Variants in ALDH1A3 observed in about 807,000 individuals in gnomAD.
The protein encoded by ALDH1A3 is retinaldehyde dehydrogenase 3.
ALDH1A3 carries 28 observed loss-of-function variants against 57.5 expected under a neutral mutation model. The ratio of observed to expected loss-of-function variants is 0.49; its 90% CI spans 0.36 to 0.67. The LOEUF (loss-of-function observed/expected upper bound fraction) is 0.67. Among genes scored for constraint, ALDH1A3 ranks in the 30% least tolerant of loss-of-function variants. The pLI, the probability that ALDH1A3 is intolerant of heterozygous loss-of-function variation, is 0.00. For missense variants in ALDH1A3, 507 were observed against 669.4 expected, an observed-to-expected ratio of 0.76 and a Z score of 2.68; for synonymous variants, 281 against 264.8, an observed-to-expected ratio of 1.06 and a Z score of -0.59.
Position 100,905,669 on chromosome 15 carries a change from G to C in ALDH1A3, c.1215G>C (p.Met405Ile). Residue 405 changes from methionine to isoleucine, a missense_variant, in exon 10 of 13, where the codon ATG becomes ATC. Physicochemically the swap from Met to Ile is conservative, Grantham distance 10. Around this residue, in one of 2 missense-constraint regions of ALDH1A3, gnomAD observed 432 missense variants for 608.4 expected, o/e 0.71. Coordinates refer to ENST00000329841, the MANE Select transcript of ALDH1A3 (RefSeq NM_000693.4). ...TCTTCTCAGAAGTCACAGACAACAT[G>C]CGGATTGCCAAAGAGGAGGTACAAG... Reference protein sequence around the residue: ...PTVFSEVTDNMRIAKEEIFGP... With the variant: ...PTVFSEVTDNIRIAKEEIFGP... 6.3e-7 allele frequency: 1 copy of C among 1,589,414 alleles called. No homozygotes were observed. Among genetic ancestry groups the C allele is most frequent in the Non-Finnish European group, 8.6e-7 (1 of 1,167,382 alleles).
chr15:100,892,362 A>G (rs1337501406), intron 3 of ALDH1A3, 148 bp from the exon 4 acceptor site: 3 of 1,034,602 alleles, frequency 2.9e-6, no homozygotes, highest in African/African-American at 1.7e-5. Flanking sequence ...ATTTGGTGTC[A>G]TGCTTTCTGA....
At chr15:100,908,857 G>A (rs1237946023) in intron 12 of ALDH1A3, among the ~76,000 whole-genome samples, 1 of 152,156 alleles carries the variant, frequency 6.6e-6, no homozygotes, top group African/African-American at 2.4e-5. Flanking sequence ...TCACAGCAGT[G>A]AAGACAGGTA....
rs370718156 is a variant in ALDH1A3 at position 100,887,500 on chromosome 15, G to T, written c.205-72G>T. On this transcript the variant is annotated intron_variant, in intron 2 of 12. Coordinates refer to ENST00000329841, the MANE Select transcript of ALDH1A3 (RefSeq NM_000693.4). This position sits in a 1 kb window ranked among gnomAD's most constrained non-coding sequence, Gnocchi z 4.6. ...AAGATGACACCCAAACTTCAGTCAC[G>T]TCAAAAGATGACACCCAAACTGCAG... 5 of 1,442,190 alleles carry T rather than the reference G, an allele frequency of 3.5e-6. No homozygotes were observed. Among genetic ancestry groups the T allele is most frequent in the Admixed American group, 5.0e-5 (2 of 40,178 alleles). The allele number at this position is 1,442,190 out of a possible 1,614,324, so 89.3% of individuals were successfully genotyped here.
At chr15:100,905,806 G>A in intron 10 of ALDH1A3, 119 bp downstream of exon 10, 2 of 1,061,176 alleles carry the variant, frequency 1.9e-6, no homozygotes, top group East Asian at 5.6e-5. Context: ...TTTTGTTGCT[G>A]TTGTTGTCGT....
intron 3 of ALDH1A3, chr15:100,888,613 G>A (rs2041620143): frequency 6.6e-6 from 1 of 152,184 alleles, no homozygotes. Flanking sequence ...TGGAGCGGTG[G>A]TGAGGGCAGG....
At chr15:100,903,746 G>A (rs556782934) in intron 9 of ALDH1A3, among the ~76,000 whole-genome samples, 14 of 152,170 alleles carry the variant, frequency 9.2e-5, no homozygotes, top group East Asian at 1.9e-4. Context: ...TGCATCTACC[G>A]CTTATAATAA....
intron 1 of ALDH1A3, chr15:100,881,200 A>G (rs2041544427): frequency 6.6e-6 from 1 of 152,228 alleles, no homozygotes; most frequent in Non-Finnish European, 1.5e-5. Context: ...TGAGCCTCTG[A>G]TCACAAGACA....
chr15:100,880,115 G>A, intron 1 of ALDH1A3, 109 bp downstream of exon 1: 4 of 743,114 alleles, frequency 5.4e-6, no homozygotes, highest in Non-Finnish European at 7.4e-6. Flanking sequence ...GCCGGGCGCC[G>A]CCGAGACCCG....
In ALDH1A3 at chr15:100,902,913, G is replaced by C. The variant is rs4646679; in HGVS notation, c.1068+2154G>C. 7.8e-3 allele frequency among the ~76,000 whole-genome samples: 1,193 copies of C among 152,332 alleles called. 21 individuals are homozygous for C. Among genetic ancestry groups the C allele is most frequent in the East Asian group, 0.028 (145 of 5,180 alleles). On this transcript the variant is annotated intron_variant, in intron 9 of 12. Coordinates refer to ENST00000329841, the MANE Select transcript of ALDH1A3 (RefSeq NM_000693.4). ...TGCCCAGCAGCCAGGGAGGACCTGC[G>C]GTTGGGCGAAGCCCCTGTGTCCCTT... is the stretch of plus-strand genomic sequence containing the variant.
At position 100,894,886 on chromosome 15, in the gene ALDH1A3, C is replaced by A. The variant is rs2041683710; in HGVS notation, c.666+804C>A. 1 of 152,168 alleles carries A rather than the reference C, an allele frequency of 6.6e-6. No individual in the cohort carries two copies. Among genetic ancestry groups the A allele is most frequent in the Non-Finnish European group, 1.5e-5 (1 of 68,050 alleles). The allele number at this position is 152,168 out of a possible 1,614,324, so 9.4% of individuals were successfully genotyped here. A position where few individuals can be genotyped will look rare whatever the true frequency, so the allele number is the denominator to read the frequency against. ...CTGTTAAGAAACAGTGCCTAAAAAT[C>A]TAAAGACTCAAGCAGCGTGCCTAAA... On this transcript the variant is annotated intron_variant, in intron 6 of 12. Transcript: ENST00000329841. The surrounding 1 kb of genome is among the most constrained non-coding windows in gnomAD (Gnocchi z 4.5).
chr15:100,907,360 T>C (rs2041832621), intron 11 of ALDH1A3, 82 bp downstream of exon 11: 2 of 1,490,508 alleles, frequency 1.3e-6, no homozygotes, highest in African/African-American at 2.8e-5. Flanking sequence ...TGAGAGTTTC[T>C]CATTGTTTAC....
intron 12 of ALDH1A3, among the ~76,000 whole-genome samples, chr15:100,910,210 T>C (rs959955574): frequency 1.3e-5 from 2 of 152,274 alleles, no homozygotes; most frequent in African/African-American, 4.8e-5. Flanking sequence ...GTGAAGCCTG[T>C]CCATTAGCCT....
chr15:100,883,500 A>C (rs2041565050), intron 1 of ALDH1A3, among the ~76,000 whole-genome samples: 1 of 152,142 alleles, frequency 6.6e-6, no homozygotes, highest in Non-Finnish European at 1.5e-5. Flanking sequence ...GGCAAATCCC[A>C]ATGGTGACCG....
intron 3 of ALDH1A3, chr15:100,888,710 A>C (rs1401047266): frequency 6.6e-6 from 1 of 152,228 alleles, no homozygotes; most frequent in Non-Finnish European, 1.5e-5. Flanking sequence ...GACTTTGGAC[A>C]AGTTGTGAAA....
chr15:100,911,228 G>C (rs959880906), intron 12 of ALDH1A3, among the ~76,000 whole-genome samples: 4 of 152,156 alleles, frequency 2.6e-5, no homozygotes, highest in Non-Finnish European at 5.9e-5. Flanking sequence ...TTTTAATGCT[G>C]GAGCATCGTG....
At chr15:100,900,811 A>G in intron 9 of ALDH1A3, 52 bp downstream of exon 9, 1 of 1,584,554 alleles carries the variant, frequency 6.3e-7, no homozygotes, top group South Asian at 1.1e-5. Context: ...GGGCTGAAGC[A>G]GGCAGTCCCA....
intron 1 of ALDH1A3, among the ~76,000 whole-genome samples, chr15:100,883,536 T>C (rs909817087): frequency 2.0e-5 from 3 of 152,170 alleles, no homozygotes; most frequent in Non-Finnish European, 4.4e-5. Context: ...GATTCCAAAC[T>C]GGGGGGCAGC....
intron 1 of ALDH1A3, among the ~76,000 whole-genome samples, chr15:100,884,477 C>T (rs894218197): frequency 1.3e-5 from 2 of 151,638 alleles, no homozygotes; most frequent in Admixed American, 1.3e-4. Flanking sequence ...TGCGACATCT[C>T]TTAATGTAAC....
At chr15:100,905,406 C>A in intron 9 of ALDH1A3, 117 bp from the exon 10 acceptor site, 1 of 1,298,706 alleles carries the variant, frequency 7.7e-7, no homozygotes, top group Non-Finnish European at 1.1e-6. Context: ...TGGATCATGG[C>A]TTGACAAGAA....
Sources: gnomAD v4.1 joint callset for allele counts (sites outside exome capture counted in the v4.1 genomes callset) on GRCh38, gnomAD v4.1.1 for gene constraint, gnomAD v4.1.1 regional missense constraint, Gnocchi (gnomAD v3.1) non-coding constraint, MANE v1.5 for transcripts, NCBI Gene and HGNC (gene_info 2026-07-23, HGNC 2026-07-21) for gene names.